The following SPATA6L variants were observed in gnomAD, a reference collection of about 807,000 sequenced individuals.
SPATA6L encodes the protein spermatogenesis associated 6-like protein.
SPATA6L carries 68 observed loss-of-function variants against 49.2 expected under a neutral mutation model. The ratio of observed to expected loss-of-function variants is 1.38; its 90% CI spans 1.14 to 1.69. The LOEUF (loss-of-function observed/expected upper bound fraction) is 1.69, where lower values mean the gene tolerates loss of function less well. Among genes scored for constraint, SPATA6L ranks in the 40% most tolerant of loss-of-function variants. SPATA6L has a pLI of 0.00. For missense variants in SPATA6L, 668 were observed against 464.3 expected, an observed-to-expected ratio of 1.44 and a Z score of -4.03; for synonymous variants, 198 against 165.7, an observed-to-expected ratio of 1.19 and a Z score of -1.50.
intron 3 of SPATA6L, among the ~76,000 whole-genome samples, chr9:4,640,039 T>A (rs188179065): frequency 6.6e-6 from 1 of 152,238 alleles, no homozygotes; most frequent in Non-Finnish European, 1.5e-5. Flanking sequence ...TATGAAAGTA[T>A]AAAATATTGC....
chr9:4,657,289 G>GT (rs577666584), intron 2 of SPATA6L, among the ~76,000 whole-genome samples: 67 of 152,158 alleles, frequency 4.4e-4, no homozygotes, highest in African/African-American at 1.4e-3. Context: ...GGTAAGTGGG[G>GT]TTTTTTTGCC....
chr9:4,665,514 G>T (rs1840728085), intron 1 of SPATA6L, among the ~76,000 whole-genome samples: 1 of 152,226 alleles, frequency 6.6e-6, no homozygotes, highest in African/African-American at 2.4e-5. Context: ...CAGATTCCAT[G>T]ACAATTTCCT....
chr9:4,626,371 G>A, intron 5 of SPATA6L: 2 of 1,285,468 alleles, frequency 1.6e-6, no homozygotes, highest in Non-Finnish European at 2.0e-6. Flanking sequence ...TGTGGCACCA[G>A]CAGTGAGCAG....
chr9:4,656,334 G>A (rs1838175102), intron 2 of SPATA6L, among the ~76,000 whole-genome samples: 1 of 152,220 alleles, frequency 6.6e-6, no homozygotes, highest in African/African-American at 2.4e-5. Context: ...AGCTACTTGT[G>A]GGGCTGAGGC....
intron 4 of SPATA6L, among the ~76,000 whole-genome samples, chr9:4,634,551 A>G (rs879482625): frequency 6.6e-6 from 1 of 152,352 alleles, no homozygotes; most frequent in Admixed American, 6.5e-5. Context: ...AAGTAGAAAC[A>G]ATAACAAATT....
intron 6 of SPATA6L, among the ~76,000 whole-genome samples, chr9:4,624,158 G>C (rs2130437293): frequency 6.6e-6 from 1 of 152,200 alleles, no homozygotes; most frequent in East Asian, 1.9e-4. Context: ...ACATTCTGGA[G>C]AATAAGTCAT....
downstream of SPATA6L, among the ~76,000 whole-genome samples, chr9:4,596,056 G>A (rs907675240): frequency 6.6e-6 from 1 of 152,194 alleles, no homozygotes; most frequent in African/African-American, 2.4e-5. Context: ...GCTTCTGACA[G>A]TCACAAATCC....
At position 4,662,944 on chromosome 9, in the gene SPATA6L, G is replaced by T; in HGVS notation, c.40-908C>A. On this transcript the variant is annotated intron_variant, in intron 1 of 11. Coordinates refer to ENST00000682582, the MANE Select transcript of SPATA6L (RefSeq NM_001353486.2). This position sits in a 1 kb window ranked among gnomAD's most constrained non-coding sequence, Gnocchi z 4.9. ...TTGATCAAAGGGCTGGTCCGCAGGC[G>T]CCGCCCGGCCCACAACCAGATGGAC... The T allele has an allele frequency of 1.2e-6, 2 of 1,611,546 alleles. No homozygotes were observed.
intron 3 of SPATA6L, among the ~76,000 whole-genome samples, chr9:4,645,981 A>G (rs934021439): frequency 5.3e-5 from 8 of 152,244 alleles, no homozygotes; most frequent in Non-Finnish European, 4.4e-5. Context: ...CGAATTATAT[A>G]TGATTTAAAT....
intron 13 of SPATA6L, among the ~76,000 whole-genome samples, chr9:4,592,048 C>G (rs1219738461): frequency 6.6e-6 from 1 of 152,176 alleles, no homozygotes; most frequent in East Asian, 1.9e-4. Flanking sequence ...AGCACAGTGG[C>G]TCACAGCTAT....
chr9:4,648,311 A>G (rs1466505793), intron 3 of SPATA6L, among the ~76,000 whole-genome samples: 2 of 152,204 alleles, frequency 1.3e-5, no homozygotes, highest in Admixed American at 6.5e-5. Context: ...CATCACCCCA[A>G]TAGTAATTTA....
intron 3 of SPATA6L, among the ~76,000 whole-genome samples, chr9:4,642,975 G>C (rs1036631616): frequency 6.6e-6 from 1 of 152,060 alleles, no homozygotes; most frequent in African/African-American, 2.4e-5. Flanking sequence ...CATCTAAAAG[G>C]GAGATAGATC....
At chr9:4,603,818 G>T (rs989038800) in intron 11 of SPATA6L, among the ~76,000 whole-genome samples, 2 of 152,190 alleles carry the variant, frequency 1.3e-5, no homozygotes, top group Non-Finnish European at 2.9e-5. Context: ...AGGACAAATA[G>T]AAGTTATCCA....
chr9:4,610,582 C>A (rs1047103902), intron 9 of SPATA6L, among the ~76,000 whole-genome samples: 2 of 150,284 alleles, frequency 1.3e-5, no homozygotes, highest in Non-Finnish European at 3.0e-5. Context: ...GCTGGGAAAA[C>A]TGGCTAGCCA....
At chr9:4,596,332 C>T (rs1822256326), downstream of SPATA6L, 1 of 152,172 alleles carries the variant, frequency 6.6e-6, no homozygotes. Flanking sequence ...GGAGGAGACC[C>T]AGTGAACAAA....
At chr9:4,656,752 C>T (rs909412528) in intron 2 of SPATA6L, among the ~76,000 whole-genome samples, 16 of 152,118 alleles carry the variant, frequency 1.1e-4, no homozygotes, top group African/African-American at 3.9e-4. Flanking sequence ...GCTAAAAGCC[C>T]ATCTTAAATC....
At chr9:4,591,548 C>A (rs1821900124) in intron 13 of SPATA6L, among the ~76,000 whole-genome samples, 1 of 152,228 alleles carries the variant, frequency 6.6e-6, no homozygotes, top group African/African-American at 2.4e-5. Flanking sequence ...ATCCTCAACA[C>A]CTGCTTCTGT....
Position 4,606,030 on chromosome 9 carries a change from G to T in SPATA6L, c.996-590C>A, listed in dbSNP as rs150243171. 4.7e-4 allele frequency among the ~76,000 whole-genome samples: 71 copies of T among 151,780 alleles called. No individual in the cohort carries two copies. In the East Asian group the frequency reaches 7.6e-3, roughly 16 times the overall value. On this transcript the variant is annotated intron_variant, in intron 9 of 11. Transcript: ENST00000682582. ...CAAGGGGTCAGGCAGTTCCCTTTCC[G>T]AGTCAAAGAAAGGGGTGACAGATGG...
chr9:4,606,052 AT>A (rs754456886), intron 9 of SPATA6L, among the ~76,000 whole-genome samples: 6,707 of 152,054 alleles, frequency 0.044, 458 homozygotes, highest in African/African-American at 0.15. Flanking sequence ...GGGGTGACAG[AT>A]GGCACCTGGA....
Sources: gnomAD v4.1 joint callset for allele counts (sites outside exome capture counted in the v4.1 genomes callset) on GRCh38, gnomAD v4.1.1 for gene constraint, Gnocchi (gnomAD v3.1) non-coding constraint, MANE v1.5 for transcripts, NCBI Gene and HGNC (gene_info 2026-07-23, HGNC 2026-07-21) for gene names.